Variants in ZNF521 observed in about 807,000 individuals in gnomAD.
ZNF521 encodes the protein zinc finger protein 521, also known as LYST-interacting protein 3.
In ZNF521, 14 loss-of-function variants were observed where a neutral mutation model predicts 105.5. The ratio of observed to expected loss-of-function variants is 0.13; its 90% CI spans 0.09 to 0.21. ZNF521 has a LOEUF of 0.21. Among genes scored for constraint, ZNF521 ranks in the 10% least tolerant of loss-of-function variants. The probability of loss-of-function intolerance (pLI) is 1.00; values close to 1 mark genes in which losing one functional copy is unlikely to be tolerated. For synonymous variants in ZNF521, 635 were observed against 606.0 expected (o/e 1.05, Z -0.70); for missense variants, 1,233 against 1,629.7 (o/e 0.76, Z 4.19).
In ZNF521 at chr18:25,227,438, G is replaced by A. The variant is rs1437661222; in HGVS notation, c.480C>T (p.Ser160=). ...YCSRLFKHKR[S]RDRHIKLHTG... ...TGTGGAGTTTTATGTGGCGATCTCG[G>A]CTGCGCTTGTGTTTGAACAGCCTAC... Residue 160 remains serine, a synonymous_variant, in exon 4 of 8, where the codon AGC becomes AGT. Transcript: ENST00000361524. The surrounding 1 kb of genome is among the most constrained non-coding windows in gnomAD (Gnocchi z 5.7). The A allele has an allele frequency of 2.5e-6, 4 of 1,613,972 alleles. No individual in the cohort carries two copies. The highest frequency in any genetic ancestry group is 3.3e-5 in the Admixed American group (2 of 59,996).
At chr18:25,311,211 A>C (rs983513527) in intron 3 of ZNF521, among the ~76,000 whole-genome samples, 50 of 152,254 alleles carry the variant, frequency 3.3e-4, no homozygotes, top group South Asian at 2.7e-3. Context: ...CATTGCTACC[A>C]TTCCCTAAAG....
At chr18:25,128,933 T>C (rs745322864) in intron 5 of ZNF521, among the ~76,000 whole-genome samples, 1 of 151,982 alleles carries the variant, frequency 6.6e-6, no homozygotes, top group Non-Finnish European at 1.5e-5. Context: ...ATGTTATTTT[T>C]GTGGATATTG....
rs371349384 is a variant in ZNF521 at position 25,226,999 on chromosome 18, C to T, written c.919G>A (p.Glu307Lys). The T allele has an allele frequency of 2.5e-6, 4 of 1,614,128 alleles. No homozygotes were observed. The highest frequency in any genetic ancestry group is 3.4e-6 in the Non-Finnish European group (4 of 1,180,024). ...MNHMEQVHSGEKKNSCSICSE... is the reference protein window; with the variant it reads ...MNHMEQVHSGKKKNSCSICSE... The stretch of plus-strand genomic sequence containing the variant: ...CAAATGCTGCATGAGTTCTTCTTCT[C>T]CCCGCTATGCACCTGCTCCATGTGG... Residue 307 changes from glutamate (E) to lysine (K), a missense_variant, in exon 4 of 8, where the codon GAG becomes AAG. Around this residue, in one of 6 missense-constraint regions of ZNF521, gnomAD observed 380 missense variants for 478.0 expected, o/e 0.80. Coordinates refer to ENST00000361524, the MANE Select transcript of ZNF521 (RefSeq NM_015461.3). The surrounding 1 kb of genome is among the most constrained non-coding windows in gnomAD (Gnocchi z 4.1).
rs1456516710 is a variant in ZNF521, at chr18:25,130,786, T to A, written c.3659-38705A>T. The stretch of plus-strand genomic sequence containing the variant: ...AGCGAGACCCCATCTCTACAAAAAA[T>A]TCAATAATTAGCCAGGTGTTGTGGT... On this transcript the variant is annotated intron_variant, in intron 5 of 7. Transcript: ENST00000361524. Among the ~76,000 whole-genome samples, 5 of 151,938 alleles carry A rather than the reference T, an allele frequency of 3.3e-5. No homozygotes were observed. In the East Asian group the frequency reaches 9.7e-4, roughly 30 times the overall value.
At chr18:25,143,142 A>G (rs1264589024) in intron 5 of ZNF521, among the ~76,000 whole-genome samples, 2 of 152,078 alleles carry the variant, frequency 1.3e-5, no homozygotes, top group Non-Finnish European at 2.9e-5. Context: ...ACTTTTTATC[A>G]TATTTTCTAC....
intron 3 of ZNF521, among the ~76,000 whole-genome samples, chr18:25,260,332 G>C (rs74785050): frequency 0.018 from 2,808 of 152,220 alleles, 64 homozygotes; most frequent in Admixed American, 0.066. Context: ...AGCTAAGGTT[G>C]GTAGTTTAGT....
At chr18:25,247,759 G>T (rs531478846) in intron 3 of ZNF521, among the ~76,000 whole-genome samples, 1 of 152,166 alleles carries the variant, frequency 6.6e-6, no homozygotes, top group Non-Finnish European at 1.5e-5. Context: ...TTTGGAGTAG[G>T]AGGGACTGGA....
chr18:25,348,004 T>A (rs542690455), intron 2 of ZNF521, among the ~76,000 whole-genome samples: 17 of 152,356 alleles, frequency 1.1e-4, no homozygotes, highest in Non-Finnish European at 2.1e-4. Context: ...CTCCTTCAAG[T>A]TGGCTATAAT....
intron 5 of ZNF521, among the ~76,000 whole-genome samples, chr18:25,135,630 A>G (rs1225956093): frequency 6.6e-6 from 1 of 152,196 alleles, no homozygotes; most frequent in Non-Finnish European, 1.5e-5. Flanking sequence ...AATGTGGAGC[A>G]CAGCTAATTT....
chr18:25,211,092 G>T, intron 4 of ZNF521, among the ~76,000 whole-genome samples: 1 of 152,198 alleles, frequency 6.6e-6, no homozygotes, highest in East Asian at 1.9e-4. Flanking sequence ...CATGGATACT[G>T]CTCTAATCAC....
At chr18:25,279,656 C>T (rs1159511786) in intron 3 of ZNF521, among the ~76,000 whole-genome samples, 1 of 152,068 alleles carries the variant, frequency 6.6e-6, no homozygotes, top group Non-Finnish European at 1.5e-5. Flanking sequence ...ATATGAATGC[C>T]GTGATGTGGA....
At chr18:25,085,192 T>A (rs1320806252) in intron 7 of ZNF521, among the ~76,000 whole-genome samples, 1 of 151,144 alleles carries the variant, frequency 6.6e-6, no homozygotes, top group Non-Finnish European at 1.5e-5. Context: ...AGAGAAAGGT[T>A]ATATCTTGCT....
At chr18:25,085,529 C>G (rs1178982303) in intron 7 of ZNF521, among the ~76,000 whole-genome samples, 2 of 151,888 alleles carry the variant, frequency 1.3e-5, no homozygotes, top group Non-Finnish European at 2.9e-5. Flanking sequence ...TACATTCTGA[C>G]TGGCTTTGTA....
intron 3 of ZNF521, among the ~76,000 whole-genome samples, chr18:25,297,413 A>C (rs1911385425): frequency 6.6e-6 from 1 of 152,152 alleles, no homozygotes; most frequent in African/African-American, 2.4e-5. Context: ...ATCCATGAAA[A>C]ATTCATATTA....
chr18:25,249,678 T>C (rs1422892548), intron 3 of ZNF521, among the ~76,000 whole-genome samples: 1 of 152,038 alleles, frequency 6.6e-6, no homozygotes, highest in Non-Finnish European at 1.5e-5. Flanking sequence ...GCCAGGCTGA[T>C]CTCGAACTCC....
At chr18:25,094,169 G>A (rs1393912004) in intron 5 of ZNF521, among the ~76,000 whole-genome samples, 2 of 152,140 alleles carry the variant, frequency 1.3e-5, no homozygotes, top group Non-Finnish European at 2.9e-5. Flanking sequence ...AGGTTTTCCT[G>A]GGGATAACAA....
chr18:25,222,603 A>T (rs957900041), intron 4 of ZNF521, among the ~76,000 whole-genome samples: 1 of 152,218 alleles, frequency 6.6e-6, no homozygotes, highest in East Asian at 1.9e-4. Flanking sequence ...AATCAACTTT[A>T]CACACTTTGT....
chr18:25,087,144 T>C (rs1245386005), intron 7 of ZNF521, among the ~76,000 whole-genome samples: 2 of 152,192 alleles, frequency 1.3e-5, no homozygotes, highest in African/African-American at 4.8e-5. Flanking sequence ...TGGAAAATGA[T>C]AGTAACTCAC....
chr18:25,199,388 T>C (rs1188442700), intron 4 of ZNF521, among the ~76,000 whole-genome samples: 4 of 151,902 alleles, frequency 2.6e-5, no homozygotes, highest in Non-Finnish European at 5.9e-5. Flanking sequence ...GAAACAGCTA[T>C]AAGAAGGCTT....
Sources: gnomAD v4.1 joint callset for allele counts (sites outside exome capture counted in the v4.1 genomes callset) on GRCh38, gnomAD v4.1.1 for gene constraint, gnomAD v4.1.1 regional missense constraint, Gnocchi (gnomAD v3.1) non-coding constraint, MANE v1.5 for transcripts, NCBI Gene and HGNC (gene_info 2026-07-23, HGNC 2026-07-21) for gene names.